Variants in RAI1 observed in about 807,000 individuals in gnomAD.
RAI1 encodes retinoic acid-induced protein 1.
A neutral mutation model predicts 123.8 loss-of-function variants in RAI1; 9 were observed. That is an observed-to-expected ratio of 0.07 (90% CI 0.04 to 0.13). RAI1 has a LOEUF of 0.13. Among genes scored for constraint, RAI1 ranks in the 10% least tolerant of loss-of-function variants. The pLI, the probability that RAI1 is intolerant of heterozygous loss-of-function variation, is 1.00. For synonymous variants in RAI1, 1,231 were observed against 1,127.3 expected (o/e 1.09, Z -1.84); for missense variants, 2,256 against 2,545.8 (o/e 0.89, Z 2.45).
intron 2 of RAI1, among the ~76,000 whole-genome samples, chr17:17,775,450 C>T (rs1021299296): frequency 1.3e-5 from 2 of 152,014 alleles, no homozygotes; most frequent in African/African-American, 4.8e-5. Context: ...GCAGTCTGCC[C>T]GCCTCCACCT....
chr17:17,792,779 C>T (rs893033873), intron 2 of RAI1, among the ~76,000 whole-genome samples, 154 bp from the exon 3 acceptor site: 16 of 87,634 alleles, frequency 1.8e-4, no homozygotes, highest in East Asian at 3.4e-4. Context: ...TTAAGAGCTG[C>T]GCGGGGGAGC....
chr17:17,767,096 C>T (rs2030966878), intron 2 of RAI1, among the ~76,000 whole-genome samples: 1 of 152,166 alleles, frequency 6.6e-6, no homozygotes, highest in South Asian at 2.1e-4. Context: ...CTCCCAGCTC[C>T]AGGAACCCCC....
chr17:17,758,345 G>A (rs2030535282), intron 2 of RAI1, among the ~76,000 whole-genome samples: 1 of 152,208 alleles, frequency 6.6e-6, no homozygotes, highest in Non-Finnish European at 1.5e-5. Flanking sequence ...GGAGGTCCCA[G>A]CTGCTTTTGG....
chr17:17,754,291 G>A (rs765259119), intron 2 of RAI1, among the ~76,000 whole-genome samples: 6 of 125,724 alleles, frequency 4.8e-5, no homozygotes, highest in Admixed American at 1.0e-4. Context: ...CGCAACCTCC[G>A]CCTCCTGGGT....
rs1272383861 is a variant in RAI1, at chr17:17,811,130, G to A, written c.*1149G>A. On this transcript the variant is annotated 3_prime_UTR_variant, in exon 6 of 6. Coordinates refer to ENST00000353383, the MANE Select transcript of RAI1 (RefSeq NM_030665.4). ...GTGTCCTCAGCTCTGTCCACGCTTC[G>A]ATAGGCCTGACGCAGCCCCCAGCCC... is the stretch of plus-strand genomic sequence containing the variant. 4.6e-5 allele frequency: 13 copies of A among 284,534 alleles called. No individual in the cohort carries two copies. The highest frequency in any genetic ancestry group is 3.0e-4 in the South Asian group (10 of 33,444). 17.6% of individuals were successfully genotyped at this position (284,534 alleles called of 1,614,324 possible). A position where few individuals can be genotyped will look rare whatever the true frequency, so the allele number is the denominator to read the frequency against.
intron 1 of RAI1, among the ~76,000 whole-genome samples, chr17:17,716,331 G>A (rs1567843854): frequency 6.6e-6 from 1 of 152,262 alleles, no homozygotes; most frequent in Non-Finnish European, 1.5e-5. Flanking sequence ...ACTTGGGTGT[G>A]TGTGGACTTC....
At chr17:17,784,441 G>C (rs2031746750) in intron 2 of RAI1, among the ~76,000 whole-genome samples, 1 of 152,254 alleles carries the variant, frequency 6.6e-6, no homozygotes, top group Non-Finnish European at 1.5e-5. Flanking sequence ...CTGGGGCATA[G>C]AGCTGTAGAC....
intron 1 of RAI1, among the ~76,000 whole-genome samples, chr17:17,708,839 ATGC>A (rs1426801776): frequency 6.6e-6 from 1 of 152,218 alleles, no homozygotes; most frequent in Non-Finnish European, 1.5e-5. Context: ...TTGTGCTCAA[ATGC>A]TGCAGTTCAT....
Position 17,681,615 on chromosome 17 carries a change from G to A in RAI1, c.-327G>A, listed in dbSNP as rs1373633813. 2 of 204,164 alleles carry A rather than the reference G, an allele frequency of 9.8e-6. No individual in the cohort carries two copies. The highest frequency in any genetic ancestry group is 5.9e-5 in the Admixed American group (1 of 16,862). 12.6% of individuals were successfully genotyped at this position (204,164 alleles called of 1,614,324 possible). A position where few individuals can be genotyped will look rare whatever the true frequency, so the allele number is the denominator to read the frequency against. On this transcript the variant is annotated 5_prime_UTR_variant, in exon 1 of 6. Transcript: ENST00000353383. ...CGAGGGCGAGAGGCGAGCCGAGCAG[G>A]CCGCCCTGCCCGCGGCCCTAGCGCC... is the stretch of plus-strand genomic sequence containing the variant.
intron 2 of RAI1, among the ~76,000 whole-genome samples, chr17:17,726,899 A>G (rs1389271421): frequency 6.6e-6 from 1 of 152,158 alleles, no homozygotes; most frequent in African/African-American, 2.4e-5. Flanking sequence ...TTGCCGGCAT[A>G]ATGTGAGCCT....
chr17:17,720,397 G>C (rs1172296108), intron 1 of RAI1, among the ~76,000 whole-genome samples: 2 of 152,176 alleles, frequency 1.3e-5, no homozygotes, highest in African/African-American at 2.4e-5. Flanking sequence ...GCAGACTCTT[G>C]GTGAAAGGTG....
At position 17,798,027 on chromosome 17, in the gene RAI1, G is replaced by A. The variant is rs748845443; in HGVS notation, c.5079G>A (p.Pro1693=). The A allele has an allele frequency of 9.0e-5, 146 of 1,613,940 alleles. 1 individual carries two copies. Among genetic ancestry groups the A allele is most frequent in the East Asian group, 4.5e-5 (2 of 44,874 alleles). The part of the protein sequence containing the change: ...SCLVCCLCQN[P]ANFKDLGDLC... ...TTGTTTGCTGCCTCTGCCAAAACCC[G>A]GCCAACTTCAAGGACCTTGGGGACC... The change falls in exon 3 of 6, where the codon CCG becomes CCA. Residue 1693 remains proline (P), a synonymous_variant. Coordinates refer to ENST00000353383, the MANE Select transcript of RAI1 (RefSeq NM_030665.4).
chr17:17,691,196 G>A (rs1257264319), intron 1 of RAI1, among the ~76,000 whole-genome samples: 1 of 152,196 alleles, frequency 6.6e-6, no homozygotes, highest in Non-Finnish European at 1.5e-5. Context: ...CATGTCAGGA[G>A]ACATTTTTGG....
chr17:17,697,407 TGAAAAGATTAGG>T (rs1402198250), intron 1 of RAI1, among the ~76,000 whole-genome samples: 5 of 152,216 alleles, frequency 3.3e-5, no homozygotes, highest in South Asian at 2.1e-4. Context: ...CTCTCAGAAA[TGAAAAGATTAGG>T]GAAAAGATTA....
At chr17:17,730,551 C>T (rs1015034656) in intron 2 of RAI1, among the ~76,000 whole-genome samples, 4 of 152,228 alleles carry the variant, frequency 2.6e-5, no homozygotes, top group Admixed American at 6.5e-5. Context: ...TATGTTGTCA[C>T]CTAATTCAGC....
At chr17:17,772,276 T>G (rs1220621255) in intron 2 of RAI1, among the ~76,000 whole-genome samples, 1 of 152,168 alleles carries the variant, frequency 6.6e-6, no homozygotes, top group East Asian at 1.9e-4. Flanking sequence ...CTGACATTTC[T>G]AGAATTTCTC....
intron 2 of RAI1, among the ~76,000 whole-genome samples, chr17:17,785,306 G>A (rs2031790155): frequency 6.6e-6 from 1 of 152,138 alleles, no homozygotes. Flanking sequence ...CATCCCTTTG[G>A]TCTGTGTTGG....
intron 2 of RAI1, among the ~76,000 whole-genome samples, chr17:17,760,703 G>T (rs1413281457): frequency 6.6e-5 from 10 of 152,248 alleles, no homozygotes; most frequent in Non-Finnish European, 1.2e-4. Context: ...TGCAGGGAAC[G>T]TGTGGAGCTA....
intron 1 of RAI1, among the ~76,000 whole-genome samples, chr17:17,722,795 A>G (rs1192880926): frequency 6.6e-6 from 1 of 152,102 alleles, no homozygotes; most frequent in Admixed American, 6.5e-5. Flanking sequence ...TGCGTCTCTG[A>G]TGCGGCTAGG....
Sources: allele counts gnomAD v4.1 joint callset (sites outside exome capture counted in the v4.1 genomes callset), GRCh38; gene constraint gnomAD v4.1.1; transcripts MANE v1.5; gene names NCBI Gene and HGNC (gene_info 2026-07-23, HGNC 2026-07-21).